The following RANBP2 variants were observed in gnomAD, a reference collection of about 807,000 sequenced individuals.
RANBP2 encodes the protein E3 SUMO-protein ligase RanBP2.
In RANBP2, 57 loss-of-function variants were observed where a neutral mutation model predicts 303.6. That is an observed-to-expected ratio of 0.19 (90% CI 0.15 to 0.23). RANBP2 has a LOEUF of 0.23. RANBP2 is among the 10% of genes least tolerant of loss of function. RANBP2 has a pLI of 1.00. For missense variants in RANBP2, 3,138 were observed against 3,780.8 expected (o/e 0.83, Z 4.46); for synonymous variants, 1,167 against 1,301.5 (o/e 0.90, Z 2.23).
chr2:109,146,927 G>C, the RANBP2 span, among the ~76,000 whole-genome samples: 7 of 118,480 alleles, frequency 5.9e-5, no homozygotes, highest in African/African-American at 2.3e-4. Context: ...GAAGGCCTCA[G>C]AGTCCTGTTA....
the RANBP2 span, among the ~76,000 whole-genome samples, chr2:109,766,444 G>A: frequency 2.4e-3 from 355 of 150,684 alleles, 11 homozygotes; most frequent in African/African-American, 8.0e-3. Flanking sequence ...GGATACCAGG[G>A]AGGAGGAACC....
At chr2:108,846,847 C>G in the RANBP2 span, 2 of 1,613,344 alleles carry the variant, frequency 1.2e-6, no homozygotes, top group Non-Finnish European at 1.7e-6. Flanking sequence ...GAGAATAAAC[C>G]AAAGACAGCT....
chr2:109,400,226 G>T, the RANBP2 span, among the ~76,000 whole-genome samples: 5 of 151,662 alleles, frequency 3.3e-5, no homozygotes, highest in African/African-American at 9.7e-5. Context: ...ACACATGCAC[G>T]CACACACACA....
At chr2:109,686,101 A>G in the RANBP2 span, among the ~76,000 whole-genome samples, 4 of 151,992 alleles carry the variant, frequency 2.6e-5, no homozygotes. Context: ...TTTAGTTTTT[A>G]GGTGGTTTCG....
At chr2:109,286,915 T>C in the RANBP2 span, among the ~76,000 whole-genome samples, 2 of 152,172 alleles carry the variant, frequency 1.3e-5, no homozygotes, top group Admixed American at 1.3e-4. Context: ...TGAGTCTGCA[T>C]CTGAAAAGAC....
chr2:109,313,692 A>T, the RANBP2 span: 2 of 154,924 alleles, frequency 1.3e-5, no homozygotes. Flanking sequence ...AGATGAGTGG[A>T]GAGAGACTGA....
chr2:108,923,486 G>C, the RANBP2 span: 2 of 1,601,450 alleles, frequency 1.2e-6, no homozygotes, highest in Non-Finnish European at 1.7e-6. Context: ...AACAGAGACA[G>C]GTGAGCTGGA....
At chr2:108,990,465 A>G in the RANBP2 span, among the ~76,000 whole-genome samples, 2 of 147,954 alleles carry the variant, frequency 1.4e-5, no homozygotes, top group Non-Finnish European at 3.0e-5. Flanking sequence ...AAAATATACA[A>G]AAATTAGCCG....
At chr2:109,690,137 G>T in the RANBP2 span, among the ~76,000 whole-genome samples, 1 of 152,120 alleles carries the variant, frequency 6.6e-6, no homozygotes, top group Admixed American at 6.6e-5. Flanking sequence ...AGTTTATTTT[G>T]CCAAAGTTAA....
chr2:109,565,206 T>C, the RANBP2 span, among the ~76,000 whole-genome samples: 1 of 152,100 alleles, frequency 6.6e-6, no homozygotes, highest in African/African-American at 2.4e-5. Flanking sequence ...ACAAAATTTA[T>C]CAATTAAGAA....
chr2:109,432,697 G>A, the RANBP2 span: 1 of 1,599,926 alleles, frequency 6.3e-7, no homozygotes, highest in Non-Finnish European at 8.5e-7. Context: ...TGGCAGCCTG[G>A]GCAAGGAGAG....
At chr2:109,672,803 G>A in the RANBP2 span, among the ~76,000 whole-genome samples, 2 of 152,178 alleles carry the variant, frequency 1.3e-5, no homozygotes, top group African/African-American at 4.8e-5. Context: ...TCAATAGATA[G>A]CTTATTTTAT....
At chr2:109,331,316 T>C in the RANBP2 span, among the ~76,000 whole-genome samples, 26 of 152,268 alleles carry the variant, frequency 1.7e-4, no homozygotes, top group South Asian at 5.2e-3. Context: ...GTTCCTCATT[T>C]GCAATCAATT....
the RANBP2 span, among the ~76,000 whole-genome samples, chr2:109,608,985 C>T: frequency 6.6e-6 from 1 of 152,146 alleles, no homozygotes; most frequent in Non-Finnish European, 1.5e-5. Flanking sequence ...GGGACTCTAT[C>T]CTGCAGTAGA....
chr2:109,494,105 A>T, the RANBP2 span, among the ~76,000 whole-genome samples: 1 of 152,166 alleles, frequency 6.6e-6, no homozygotes, highest in Non-Finnish European at 1.5e-5. Context: ...CTCCCCTAGG[A>T]TCCTTCTTCC....
chr2:109,012,633 G>A, the RANBP2 span, among the ~76,000 whole-genome samples: 8 of 152,126 alleles, frequency 5.3e-5, no homozygotes, highest in Non-Finnish European at 8.8e-5. Flanking sequence ...AACTTCATTC[G>A]GCCAGGCGCG....
intron 4 of RANBP2, among the ~76,000 whole-genome samples, chr2:108,734,003 A>G (rs1426462348): frequency 6.6e-6 from 1 of 151,164 alleles, no homozygotes; most frequent in African/African-American, 2.4e-5. Flanking sequence ...TCTCTCAAGT[A>G]TGAGATAGAA....
chr2:108,958,008 C>T, the RANBP2 span, among the ~76,000 whole-genome samples: 3 of 152,246 alleles, frequency 2.0e-5, no homozygotes, highest in Non-Finnish European at 4.4e-5. Context: ...TTAAGCAGCC[C>T]TTTGGATTAA....
the RANBP2 span, among the ~76,000 whole-genome samples, chr2:109,160,370 G>T: frequency 6.6e-6 from 1 of 152,230 alleles, no homozygotes; most frequent in Admixed American, 6.5e-5. Context: ...ACATTTGTGT[G>T]CCCAAAGCAG....
Sources: gnomAD v4.1 joint callset for allele counts (sites outside exome capture counted in the v4.1 genomes callset) on GRCh38, gnomAD v4.1.1 for gene constraint, MANE v1.5 for transcripts, NCBI Gene and HGNC (gene_info 2026-07-23, HGNC 2026-07-21) for gene names.